Variants in ERBIN observed in about 807,000 individuals in gnomAD.
The protein encoded by ERBIN is erbb2 interacting protein.
Under a neutral mutation model 158.4 loss-of-function variants are expected in ERBIN, and 60 were observed. That is an observed-to-expected ratio of 0.38 (90% CI 0.31 to 0.47). The LOEUF (loss-of-function observed/expected upper bound fraction) is 0.47. Among genes scored for constraint, ERBIN ranks in the 20% least tolerant of loss-of-function variants. The pLI, the probability that ERBIN is intolerant of heterozygous loss-of-function variation, is 0.99. For synonymous variants in ERBIN, 594 were observed against 557.2 expected (o/e 1.07, Z -0.93); for missense variants, 1,610 against 1,648.0 (o/e 0.98, Z 0.40).
intron 1 of ERBIN, among the ~76,000 whole-genome samples, chr5:65,953,351 T>C (rs1211920425): frequency 6.6e-6 from 1 of 152,188 alleles, no homozygotes; most frequent in Non-Finnish European, 1.5e-5. Context: ...TGCATACCCA[T>C]AGAATGATGT....
chr5:65,965,695 ATTC>A (rs1748531526), intron 1 of ERBIN, among the ~76,000 whole-genome samples: 1 of 151,956 alleles, frequency 6.6e-6, no homozygotes, highest in Non-Finnish European at 1.5e-5. Context: ...ACCTGGCCCC[ATTC>A]TTATCAGATT....
intron 14 of ERBIN, among the ~76,000 whole-genome samples, chr5:66,034,032 C>T (rs950042424): frequency 6.6e-6 from 1 of 151,642 alleles, no homozygotes; most frequent in African/African-American, 2.4e-5. Context: ...TTGATTGAAC[C>T]CAGGAGGCGG....
chr5:65,938,843 G>A (rs1397819195), intron 1 of ERBIN, among the ~76,000 whole-genome samples: 1 of 151,978 alleles, frequency 6.6e-6, no homozygotes, highest in Admixed American at 6.6e-5. Context: ...GAGCCACCGC[G>A]CCCGGCCAGG....
chr5:66,033,500 G>A (rs1180334354), intron 14 of ERBIN, among the ~76,000 whole-genome samples: 1 of 152,110 alleles, frequency 6.6e-6, no homozygotes, highest in Non-Finnish European at 1.5e-5. Flanking sequence ...CTGGCCTGAA[G>A]GAAGAAGTTG....
chr5:65,937,935 T>G (rs1305940124), intron 1 of ERBIN, among the ~76,000 whole-genome samples: 1 of 151,920 alleles, frequency 6.6e-6, no homozygotes, highest in Non-Finnish European at 1.5e-5. Context: ...TAATTCTTGG[T>G]GGTATGTTGA....
chr5:65,964,375 T>C (rs1311699618), intron 1 of ERBIN, among the ~76,000 whole-genome samples: 1 of 152,218 alleles, frequency 6.6e-6, no homozygotes, highest in Non-Finnish European at 1.5e-5. Context: ...AGGCACAATA[T>C]TGGAATCACC....
At chr5:66,069,019 G>A (rs932142013) in intron 21 of ERBIN, 7 of 1,532,496 alleles carry the variant, frequency 4.6e-6, no homozygotes, top group South Asian at 1.2e-5. Context: ...CACATTTTTC[G>A]AGTGAGTACC....
chr5:65,983,576 CTG>C (rs1487588298), intron 1 of ERBIN, among the ~76,000 whole-genome samples: 27 of 152,156 alleles, frequency 1.8e-4, no homozygotes, highest in Admixed American at 1.8e-3. Flanking sequence ...ATTGTGATAA[CTG>C]TGATTAAACT....
chr5:66,021,848 C>T (rs1364897403), intron 8 of ERBIN, among the ~76,000 whole-genome samples: 1 of 152,018 alleles, frequency 6.6e-6, no homozygotes, highest in East Asian at 1.9e-4. Flanking sequence ...GTAATGAGAA[C>T]CTTTTTGTTT....
chr5:65,980,680 G>A (rs547575766), intron 1 of ERBIN, among the ~76,000 whole-genome samples: 131 of 151,738 alleles, frequency 8.6e-4, no homozygotes, highest in Non-Finnish European at 1.5e-3. Flanking sequence ...TATGACTATC[G>A]TGACATCAGG....
At position 66,078,524 on chromosome 5, in the gene ERBIN, C is replaced by T. The variant is rs1434787112; in HGVS notation, c.4233C>T (p.Ser1411=). ...TVELIIVREV[S]S ...AACTCATCATTGTACGAGAAGTTTC[C>T]TCATAAGCACTGTGGACAAAAAAAG... Residue 1411 remains serine, a synonymous_variant, in exon 26 of 26, where the codon TCC becomes TCT. Transcript: ENST00000284037. 6 of 1,601,912 alleles carry T rather than the reference C, an allele frequency of 3.7e-6. No homozygotes were observed. The highest frequency in any genetic ancestry group is 1.1e-5 in the South Asian group (1 of 89,652).
Position 66,078,577 on chromosome 5 carries a change from G to A in ERBIN, c.*47G>A, listed in dbSNP as rs1762223123. 1 of 1,065,088 alleles carries A rather than the reference G, an allele frequency of 9.4e-7. No homozygotes were observed. The highest frequency in any genetic ancestry group is 1.6e-5 in the African/African-American group (1 of 63,254). The allele number at this position is 1,065,088 out of a possible 1,614,324, so 66.0% of individuals were successfully genotyped here. A position where few individuals can be genotyped will look rare whatever the true frequency, so the allele number is the denominator to read the frequency against. On this transcript the variant is annotated 3_prime_UTR_variant, in exon 26 of 26. Coordinates refer to ENST00000284037, the MANE Select transcript of ERBIN (RefSeq NM_001253697.2). ...GGGAAGACAGCAAGATTTATTGGAA[G>A]ATACTTACAGGGGAAATTAATATTT... is the stretch of plus-strand genomic sequence containing the variant.
At chr5:65,980,636 T>C (rs986493930) in intron 1 of ERBIN, among the ~76,000 whole-genome samples, 6 of 152,012 alleles carry the variant, frequency 3.9e-5, no homozygotes, top group Non-Finnish European at 5.9e-5. Context: ...ATGGAAAATA[T>C]ATACCATATT....
intron 4 of ERBIN, among the ~76,000 whole-genome samples, chr5:65,999,053 T>C (rs1038067303): frequency 2.0e-5 from 3 of 152,166 alleles, no homozygotes; most frequent in South Asian, 4.1e-4. Context: ...GAAAAAGATA[T>C]ATGCATATCA....
intron 4 of ERBIN, among the ~76,000 whole-genome samples, chr5:66,008,127 A>C (rs1207561754): frequency 6.6e-6 from 1 of 152,210 alleles, no homozygotes; most frequent in Non-Finnish European, 1.5e-5. Context: ...AAAAAGTATG[A>C]AGTATTCAGG....
rs1048317664 is a variant in ERBIN at position 66,037,765 on chromosome 5, G to C, written c.1207-618G>C. ...AAAGAATTAGTTATATTAAAAAATA[G>C]ATGGATAACATTTGTTGACTAGTTA... On this transcript the variant is annotated intron_variant, in intron 14 of 25. Coordinates refer to ENST00000284037, the MANE Select transcript of ERBIN (RefSeq NM_001253697.2). Among the ~76,000 whole-genome samples the C allele has an allele frequency of 3.3e-5, 5 of 152,128 alleles. No homozygotes were observed. The South Asian group carries it at 6.2e-4, about 19-fold the overall frequency.
chr5:65,941,314 A>AT (rs1744996077), intron 1 of ERBIN, among the ~76,000 whole-genome samples: 1 of 1,716 alleles, frequency 5.8e-4, no homozygotes, highest in Non-Finnish European at 2.2e-3. Context: ...AATGATCAAT[A>AT]AAAAAAAAAA....
In ERBIN at chr5:65,926,630, C is replaced by T. The variant is rs1265698071; in HGVS notation, c.-234C>T. ...CCTGCAAAACTCGAGACCAGGAAGC[C>T]AGCCCGCACCCCAACCCCCACCAAA... On this transcript the variant is annotated 5_prime_UTR_variant, in exon 1 of 26. Transcript: ENST00000284037. 1.3e-5 allele frequency: 2 copies of T among 151,790 alleles called. No homozygotes were observed. The highest frequency in any genetic ancestry group is 4.8e-5 in the African/African-American group (2 of 41,278). 9.4% of individuals were successfully genotyped at this position (151,790 alleles called of 1,614,324 possible). A position where few individuals can be genotyped will look rare whatever the true frequency, so the allele number is the denominator to read the frequency against.
chr5:65,929,303 G>A (rs764441607), intron 1 of ERBIN, among the ~76,000 whole-genome samples: 1 of 152,104 alleles, frequency 6.6e-6, no homozygotes, highest in Non-Finnish European at 1.5e-5. Flanking sequence ...TCAGAAAATA[G>A]GTGTATATTT....
Sources: allele counts gnomAD v4.1 joint callset (sites outside exome capture counted in the v4.1 genomes callset), GRCh38; gene constraint gnomAD v4.1.1; transcripts MANE v1.5; gene names NCBI Gene and HGNC (gene_info 2026-07-23, HGNC 2026-07-21).